ABCC12: variants seen among roughly 807,000 people sequenced by gnomAD.
ABCC12 encodes the protein ATP-binding cassette sub-family C member 12.
In ABCC12, 142 loss-of-function variants were observed where a neutral mutation model predicts 151.1. The observed-to-expected ratio is 0.94, with a 90% CI of 0.82 to 1.08. The LOEUF (loss-of-function observed/expected upper bound fraction) is 1.08, where lower values mean the gene tolerates loss of function less well. ABCC12 is among the 50% of genes least tolerant of loss of function. The probability of loss-of-function intolerance (pLI) is 0.00; values close to 1 mark genes in which losing one functional copy is unlikely to be tolerated. For missense variants in ABCC12, 1,638 were observed against 1,691.1 expected, an observed-to-expected ratio of 0.97 and a Z score of 0.55; for synonymous variants, 645 against 646.4, an observed-to-expected ratio of 1.00 and a Z score of 0.03.
Position 48,111,432 on chromosome 16 carries a change from A to G in ABCC12, c.2281+4T>C. ...ATGTGACTGAGGGGATGTGTGGTAA[A>G]TACCTTTTGTGTCTACAAATTCTGA... On this transcript the variant is annotated splice_donor_region_variant and intron_variant, in intron 18 of 30. Coordinates refer to ENST00000311303, the MANE Select transcript of ABCC12 (RefSeq NM_001393797.1). 1.2e-6 allele frequency: 2 copies of G among 1,613,856 alleles called. No individual in the cohort carries two copies. Among genetic ancestry groups the G allele is most frequent in the South Asian group, 2.2e-5 (2 of 91,072 alleles).
intron 13 of ABCC12, among the ~76,000 whole-genome samples, chr16:48,119,307 G>A (rs1963991569): frequency 6.6e-6 from 1 of 152,184 alleles, no homozygotes; most frequent in Non-Finnish European, 1.5e-5. Context: ...TCATTTCTGT[G>A]CATTTCTTAT....
chr16:48,115,653 G>T, intron 14 of ABCC12, 35 bp from the exon 15 acceptor site: 1 of 1,583,688 alleles, frequency 6.3e-7, no homozygotes, highest in South Asian at 1.1e-5. Flanking sequence ...CCCATTGTCA[G>T]CCCACCCTGA....
In ABCC12 at chr16:48,084,840, C is replaced by T. The variant is rs370019529; in HGVS notation, c.3828+753G>A. ...CTTTGGGGAGGTGGGGGTATTATTCCGCTGATCACAGGACGGATTTGATTT... is the reference window on the plus strand; with the variant it reads ...CTTTGGGGAGGTGGGGGTATTATTCTGCTGATCACAGGACGGATTTGATTT... On this transcript the variant is annotated intron_variant, in intron 29 of 30. Transcript: ENST00000311303. Among the ~76,000 whole-genome samples, 7 of 152,180 alleles carry T rather than the reference C, an allele frequency of 4.6e-5. No individual in the cohort carries two copies. In the Middle Eastern group the frequency reaches 0.01, roughly 222 times the overall value.
At chr16:48,135,591 G>T (rs1964581913) in intron 8 of ABCC12, among the ~76,000 whole-genome samples, 1 of 151,632 alleles carries the variant, frequency 6.6e-6, no homozygotes, top group Non-Finnish European at 1.5e-5. Flanking sequence ...TCCCTATGTT[G>T]CCCAGGCTAG....
intron 13 of ABCC12, among the ~76,000 whole-genome samples, chr16:48,120,845 C>A (rs962828503): frequency 1.3e-5 from 2 of 152,188 alleles, no homozygotes; most frequent in African/African-American, 2.4e-5. Context: ...TGAGCCACTG[C>A]GCCCAGCTAA....
chr16:48,128,529 G>A lies in ABCC12; in HGVS notation c.1445C>T (p.Ala482Val). 6.2e-7 allele frequency: 1 copy of A among 1,614,208 alleles called. No homozygotes were observed. Among genetic ancestry groups the A allele is most frequent in the Non-Finnish European group, 8.5e-7 (1 of 1,180,022 alleles). ...GTCACTTTGCTCCTCTGGGCCAGTG[G>A]CTCCCTTGGCTGGTGGACTCCTCTC... The part of the protein sequence containing the change: ...YSERSPPAKG[A>V]TGPEEQSDSL... Residue 482 changes from alanine (A) to valine (V), a missense_variant, in exon 11 of 31, where the codon GCC (alanine) becomes GTC (valine). Transcript: ENST00000311303.
intron 9 of ABCC12, 119 bp from the exon 10 acceptor site, chr16:48,131,014 C>G (rs951870284): frequency 5.9e-6 from 4 of 677,498 alleles, no homozygotes; most frequent in Non-Finnish European, 1.0e-5. Context: ...TTGGAATGTG[C>G]AGAGGAACAA....
chr16:48,105,728 C>A (rs1359776037), intron 20 of ABCC12, among the ~76,000 whole-genome samples: 6 of 152,160 alleles, frequency 3.9e-5, no homozygotes, highest in Non-Finnish European at 5.9e-5. Context: ...CCTCAGGCAA[C>A]CCGGACTGGA....
intron 18 of ABCC12, among the ~76,000 whole-genome samples, chr16:48,109,213 C>T (rs1963602352): frequency 6.6e-6 from 1 of 152,124 alleles, no homozygotes; most frequent in South Asian, 2.1e-4. Context: ...AAGAAAGAGG[C>T]AGGTCCTGTG....
rs1020329172 is a variant in ABCC12, at chr16:48,133,807, C to T, written c.1008G>A (p.Leu336=). ...CACTTTGGACAAATCCAGCTTTTTCCAGTAATTTTCTTTCCCTCCTTCTTA... is the reference window on the plus strand; with the variant it reads ...CACTTTGGACAAATCCAGCTTTTTCTAGTAATTTTCTTTCCCTCCTTCTTA... The part of the protein sequence containing the change: ...QDIRRRERKL[L]EKAGFVQSGN... Residue 336 remains leucine, a synonymous_variant, in exon 9 of 31, where the codon CTG becomes CTA. Coordinates refer to ENST00000311303, the MANE Select transcript of ABCC12 (RefSeq NM_001393797.1). 1.9e-6 allele frequency: 3 copies of T among 1,614,082 alleles called. No homozygotes were observed. The highest frequency in any genetic ancestry group is 2.5e-6 in the Non-Finnish European group (3 of 1,180,002).
At chr16:48,135,584 C>G (rs1167295402) in intron 8 of ABCC12, among the ~76,000 whole-genome samples, 1 of 151,956 alleles carries the variant, frequency 6.6e-6, no homozygotes, top group Non-Finnish European at 1.5e-5. Context: ...TGGGATCTCC[C>G]TATGTTGCCC....
chr16:48,100,839 G>A, intron 23 of ABCC12, 33 bp downstream of exon 23: 2 of 1,607,964 alleles, frequency 1.2e-6, no homozygotes, highest in Non-Finnish European at 1.7e-6. Flanking sequence ...ATGAAGCATG[G>A]GGGCCTGGGG....
rs1233247936 is a variant in ABCC12, at chr16:48,088,763, G to A, written c.3286-29C>T. ...TAAAGGAGAATAACCAATGACCAGT[G>A]ACTAGCCATTTGTTTTTTCACTTAT... On this transcript the variant is annotated intron_variant, in intron 25 of 30. Coordinates refer to ENST00000311303, the MANE Select transcript of ABCC12 (RefSeq NM_001393797.1). 1.9e-6 allele frequency: 3 copies of A among 1,559,266 alleles called. No homozygotes were observed. In the African/African-American group the frequency reaches 4.1e-5, roughly 21 times the overall value.
intron 29 of ABCC12, 51 bp downstream of exon 29, chr16:48,085,542 G>T (rs746527765): frequency 1.3e-6 from 2 of 1,513,184 alleles, no homozygotes; most frequent in South Asian, 1.1e-5. Flanking sequence ...ATTGAGTGGC[G>T]CTGCGGGAAA....
chr16:48,115,510 C>T lies in ABCC12; in HGVS notation c.1894G>A (p.Ala632Thr), dbSNP rs1218679175. 92 of 1,614,102 alleles carry T rather than the reference C, an allele frequency of 5.7e-5. No homozygotes were observed. The highest frequency in any genetic ancestry group is 7.8e-5 in the Non-Finnish European group (92 of 1,180,046). Reference sequence around the variant, plus strand: ...TGCTTCCCCACGTGGGCGTCCACGGCCGACAGGGGGTCGTCCAGCAGGTAG... The same window carrying T: ...TGCTTCCCCACGTGGGCGTCCACGGTCGACAGGGGGTCGTCCAGCAGGTAG... ...QLYLLDDPLS[A>T]VDAHVGKHVF... Residue 632 changes from alanine to threonine, a missense_variant, in exon 15 of 31, where the codon GCC (alanine) becomes ACC (threonine). Coordinates refer to ENST00000311303, the MANE Select transcript of ABCC12 (RefSeq NM_001393797.1).
In ABCC12 at chr16:48,082,068, T is replaced by C. The variant is rs907855184; in HGVS notation, c.*1647A>G. 6.6e-6 allele frequency among the ~76,000 whole-genome samples: 1 copy of C among 152,160 alleles called. No individual in the cohort carries two copies. Among genetic ancestry groups the C allele is most frequent in the African/African-American group, 2.4e-5 (1 of 41,442 alleles). On this transcript the variant is annotated 3_prime_UTR_variant, in exon 31 of 31. Transcript: ENST00000311303. The stretch of plus-strand genomic sequence containing the variant: ...GTTTAATGACCTTCAGTCAGGGTCA[T>C]GCACCATGGGGGAAAGCTCAGATCA...
At chr16:48,144,117 ACTCT>A in intron 3 of ABCC12, 52 bp from the exon 4 acceptor site, 2 of 1,566,848 alleles carry the variant, frequency 1.3e-6, no homozygotes, top group Non-Finnish European at 1.7e-6. Context: ...CATTGCCCCA[ACTCT>A]CTCTCTGGAT....
chr16:48,093,826 C>T lies in ABCC12; in HGVS notation c.3196-2617G>A, dbSNP rs185889894. On this transcript the variant is annotated intron_variant, in intron 24 of 30. Coordinates refer to ENST00000311303, the MANE Select transcript of ABCC12 (RefSeq NM_001393797.1). The stretch of plus-strand genomic sequence containing the variant: ...GGCACAGTGCTGGCCCCAGGAAGTG[C>T]TTATTCTCCTACGTGATGTGATATG... Among the ~76,000 whole-genome samples the T allele has an allele frequency of 8.5e-5, 13 of 152,360 alleles. No individual in the cohort carries two copies. In the East Asian group the frequency reaches 2.3e-3, roughly 27 times the overall value.
At chr16:48,150,132 T>C (rs1965097566) in intron 2 of ABCC12, among the ~76,000 whole-genome samples, 1 of 152,152 alleles carries the variant, frequency 6.6e-6, no homozygotes, top group Non-Finnish European at 1.5e-5. Flanking sequence ...AGATACAGAG[T>C]GGCCACTAAT....
Sources: allele counts gnomAD v4.1 joint callset (sites outside exome capture counted in the v4.1 genomes callset), GRCh38; gene constraint gnomAD v4.1.1; transcripts MANE v1.5; gene names NCBI Gene and HGNC (gene_info 2026-07-23, HGNC 2026-07-21).